CDKAL1: variants seen among roughly 807,000 people sequenced by gnomAD.
The protein encoded by CDKAL1 is CDKAL1 threonylcarbamoyladenosine tRNA methylthiotransferase.
CDKAL1 carries 32 observed loss-of-function variants against 68.2 expected under a neutral mutation model. The ratio of observed to expected loss-of-function variants is 0.47; its 90% confidence interval spans 0.35 to 0.63. CDKAL1 has a LOEUF of 0.63. CDKAL1 is among the 30% of genes least tolerant of loss of function. The pLI, the probability that CDKAL1 is intolerant of heterozygous loss-of-function variation, is 0.00. For synonymous variants in CDKAL1, 234 were observed against 244.3 expected (o/e 0.96, Z 0.39); for missense variants, 606 against 696.7 (o/e 0.87, Z 1.47).
intron 9 of CDKAL1, among the ~76,000 whole-genome samples, chr6:20,910,602 C>G (rs1393405088): frequency 6.6e-6 from 1 of 152,192 alleles, no homozygotes; most frequent in Admixed American, 6.5e-5. Flanking sequence ...CAGACCCCCT[C>G]TGTGTGCCCT....
intron 12 of CDKAL1, among the ~76,000 whole-genome samples, chr6:21,075,055 A>G (rs778940794): frequency 6.6e-6 from 1 of 152,130 alleles, no homozygotes; most frequent in Non-Finnish European, 1.5e-5. Flanking sequence ...TTGTGTGCCA[A>G]TTGTAAATTT....
intron 4 of CDKAL1, among the ~76,000 whole-genome samples, chr6:20,636,232 C>T (rs1267976543): frequency 2.0e-5 from 3 of 152,076 alleles, no homozygotes; most frequent in Non-Finnish European, 4.4e-5. Flanking sequence ...CTCACTATGT[C>T]GAGGTGGTAT....
chr6:21,009,616 A>T (rs75403089), intron 11 of CDKAL1, among the ~76,000 whole-genome samples: 2,680 of 152,314 alleles, frequency 0.018, 68 homozygotes, highest in African/African-American at 0.059. Flanking sequence ...AATGTCCATC[A>T]TCAGATGAAT....
intron 6 of CDKAL1, among the ~76,000 whole-genome samples, chr6:20,742,183 T>TACAA (rs1773487823): frequency 6.6e-6 from 1 of 152,216 alleles, no homozygotes; most frequent in Non-Finnish European, 1.5e-5. Flanking sequence ...TAAATTTGTT[T>TACAA]ATGTTCCTTA....
intron 11 of CDKAL1, among the ~76,000 whole-genome samples, chr6:21,041,903 C>T (rs947802780): frequency 6.6e-6 from 1 of 152,064 alleles, no homozygotes; most frequent in Non-Finnish European, 1.5e-5. Flanking sequence ...ATGGATAACA[C>T]AGGTTTAGCT....
At position 21,108,387 on chromosome 6, in the gene CDKAL1, GT is replaced by G. The variant is rs548838034; in HGVS notation, c.1237-6del. On this transcript the variant is annotated splice_polypyrimidine_tract_variant and intron_variant, in intron 12 of 15. Transcript: ENST00000274695. ...TGTATGTTGGTTTTTTGTTTTTTTT[GT>G]TTTTTTTCACAGAAAAAGCAAAGGA... 6.7e-5 allele frequency: 105 copies of G among 1,559,606 alleles called. No individual in the cohort carries two copies. The African/African-American group carries it at 1.3e-3, about 19-fold the overall frequency.
chr6:20,795,459 G>T (rs1776070867), intron 8 of CDKAL1, among the ~76,000 whole-genome samples: 1 of 152,102 alleles, frequency 6.6e-6, no homozygotes, highest in South Asian at 2.1e-4. Flanking sequence ...ATCCTTGAGA[G>T]AATTAAAAAG....
At chr6:20,721,974 T>C (rs1772398587) in intron 5 of CDKAL1, among the ~76,000 whole-genome samples, 1 of 151,694 alleles carries the variant, frequency 6.6e-6, no homozygotes, top group Non-Finnish European at 1.5e-5. Flanking sequence ...CTCATGATCC[T>C]CCCCCCTTGG....
At chr6:21,178,827 C>T (rs539192026) in intron 13 of CDKAL1, among the ~76,000 whole-genome samples, 1 of 152,188 alleles carries the variant, frequency 6.6e-6, no homozygotes, top group South Asian at 2.1e-4. Flanking sequence ...AGAGGACTTA[C>T]CTAAGCACAG....
intron 4 of CDKAL1, among the ~76,000 whole-genome samples, chr6:20,629,017 C>T (rs1022485045): frequency 6.6e-6 from 1 of 152,174 alleles, no homozygotes; most frequent in African/African-American, 2.4e-5. Flanking sequence ...TAGGCATTAC[C>T]ACCACCTAAT....
At chr6:20,751,724 T>G (rs989605819) in intron 6 of CDKAL1, among the ~76,000 whole-genome samples, 27 of 152,228 alleles carry the variant, frequency 1.8e-4, no homozygotes, top group Non-Finnish European at 2.5e-4. Flanking sequence ...ATGAATTGTT[T>G]ATACACCAAC....
chr6:20,904,395 T>G (rs901994116), intron 9 of CDKAL1, among the ~76,000 whole-genome samples: 1 of 152,080 alleles, frequency 6.6e-6, no homozygotes, highest in East Asian at 1.9e-4. Flanking sequence ...ATTCAGTCCC[T>G]TTTTCACCCC....
chr6:20,874,170 A>G (rs1273076051), intron 9 of CDKAL1, among the ~76,000 whole-genome samples: 1 of 152,216 alleles, frequency 6.6e-6, no homozygotes, highest in Non-Finnish European at 1.5e-5. Flanking sequence ...TGGTGCCCTC[A>G]ACCATGGAAA....
At chr6:20,914,164 C>A (rs1199455557) in intron 9 of CDKAL1, among the ~76,000 whole-genome samples, 2 of 152,028 alleles carry the variant, frequency 1.3e-5, no homozygotes, top group Admixed American at 1.3e-4. Flanking sequence ...GTGGCAGGCG[C>A]CTGTAGTCCC....
At chr6:20,559,633 A>G (rs1179138358) in intron 4 of CDKAL1, 4 of 152,174 alleles carry the variant, frequency 2.6e-5, no homozygotes, top group Non-Finnish European at 5.9e-5. Context: ...ATTCAAGTGT[A>G]ATTGTATTAA....
chr6:20,671,958 T>A (rs1251868629), intron 5 of CDKAL1, among the ~76,000 whole-genome samples: 1 of 152,230 alleles, frequency 6.6e-6, no homozygotes, highest in Non-Finnish European at 1.5e-5. Context: ...TGTTTTGGGA[T>A]GCCATTTTTG....
intron 12 of CDKAL1, among the ~76,000 whole-genome samples, chr6:21,103,617 C>T (rs564355888): frequency 1.2e-4 from 18 of 152,164 alleles, no homozygotes; most frequent in Non-Finnish European, 2.1e-4. Context: ...AAATGCAGGA[C>T]GCAGCATGTA....
chr6:21,202,913 C>T (rs973023463), intron 15 of CDKAL1, among the ~76,000 whole-genome samples: 4 of 152,078 alleles, frequency 2.6e-5, no homozygotes, highest in Admixed American at 6.6e-5. Context: ...CCAAAAGTCC[C>T]GGATAAGATG....
intron 11 of CDKAL1, among the ~76,000 whole-genome samples, chr6:21,044,506 A>G (rs1186189340): frequency 6.6e-6 from 1 of 152,176 alleles, no homozygotes; most frequent in Non-Finnish European, 1.5e-5. Flanking sequence ...CTCCTTTACC[A>G]GGTTCTCTAA....
Sources: gnomAD v4.1 joint callset for allele counts (sites outside exome capture counted in the v4.1 genomes callset) on GRCh38, gnomAD v4.1.1 for gene constraint, MANE v1.5 for transcripts, NCBI Gene and HGNC (gene_info 2026-07-23, HGNC 2026-07-21) for gene names.